Variants in NEDD9 observed in about 807,000 individuals in gnomAD.
NEDD9 encodes neural precursor cell expressed, developmentally down-regulated 9.
A neutral mutation model predicts 76.6 loss-of-function variants in NEDD9; 26 were observed. The ratio of observed to expected loss-of-function variants is 0.34; its 90% CI spans 0.25 to 0.47. The LOEUF (loss-of-function observed/expected upper bound fraction) is 0.47, where lower values mean the gene tolerates loss of function less well. NEDD9 is among the 20% of genes least tolerant of loss of function. NEDD9 has a pLI of 1.00. For synonymous variants in NEDD9, 392 were observed against 414.2 expected (o/e 0.95, Z 0.65); for missense variants, 937 against 1,058.5 (o/e 0.89, Z 1.59).
At chr6:11,308,780 G>GT (rs1263786071) in intron 2 of NEDD9, among the ~76,000 whole-genome samples, 2 of 152,082 alleles carry the variant, frequency 1.3e-5, no homozygotes, top group East Asian at 3.8e-4. Flanking sequence ...ACAAAAAATT[G>GT]TTTTTTGTCA....
intron 2 of NEDD9, among the ~76,000 whole-genome samples, chr6:11,322,805 C>A (rs1283272350): frequency 6.6e-6 from 1 of 152,140 alleles, no homozygotes; most frequent in Non-Finnish European, 1.5e-5. Context: ...GGGGCGAGGC[C>A]TGGGGACCTG....
At chr6:11,233,172 C>G (rs932718133), upstream of NEDD9, 22 of 507,188 alleles carry the variant, frequency 4.3e-5, no homozygotes, top group Admixed American at 8.1e-5. Flanking sequence ...TTTTTCTTTC[C>G]CCCTCCTCCC....
intron 1 of NEDD9, among the ~76,000 whole-genome samples, chr6:11,361,682 G>T (rs1217395396): frequency 6.6e-6 from 1 of 152,120 alleles, no homozygotes; most frequent in African/African-American, 2.4e-5. Context: ...AGATGGTTAG[G>T]AAATGCTTAT....
intron 2 of NEDD9, among the ~76,000 whole-genome samples, chr6:11,320,045 T>C (rs1761751746): frequency 6.6e-6 from 1 of 152,216 alleles, no homozygotes; most frequent in Non-Finnish European, 1.5e-5. Context: ...GGCTGTCCTG[T>C]GGTCTCCCAG....
At chr6:11,245,607 G>A (rs564898934) in intron 3 of NEDD9, among the ~76,000 whole-genome samples, 5 of 149,336 alleles carry the variant, frequency 3.3e-5, no homozygotes, top group East Asian at 4.0e-4. Context: ...AGCAGCCAAC[G>A]CGGCTGCAGG....
intron 2 of NEDD9, among the ~76,000 whole-genome samples, chr6:11,307,312 C>A (rs76921560): frequency 1.1e-4 from 16 of 152,236 alleles, no homozygotes; most frequent in African/African-American, 2.9e-4. Context: ...GTTTGATAAA[C>A]GCAGTATTTA....
In NEDD9 at chr6:11,323,269, A is replaced by C. The variant is rs1008474565; in HGVS notation, c.-153+11232T>G. On this transcript the variant is annotated intron_variant, in intron 2 of 3. Coordinates refer to the NEDD9 transcript ENST00000397378. Reference sequence around the variant, plus strand: ...GGAGACTTGCCCACTGAGTGACTTTACTATACCCCCAGGCCTTACTAACTT... The same window carrying C: ...GGAGACTTGCCCACTGAGTGACTTTCCTATACCCCCAGGCCTTACTAACTT... 2.6e-5 allele frequency among the ~76,000 whole-genome samples: 4 copies of C among 152,254 alleles called. No individual in the cohort carries two copies. In the South Asian group the frequency reaches 8.3e-4, roughly 31 times the overall value.
chr6:11,283,063 T>C (rs1760569633), intron 3 of NEDD9, among the ~76,000 whole-genome samples: 1 of 152,224 alleles, frequency 6.6e-6, no homozygotes, highest in Admixed American at 6.5e-5. Context: ...CTTATGACCT[T>C]GGCATTTGCC....
At chr6:11,354,403 G>A (rs776391046) in intron 1 of NEDD9, among the ~76,000 whole-genome samples, 9 of 152,308 alleles carry the variant, frequency 5.9e-5, no homozygotes, top group Non-Finnish European at 1.3e-4. Context: ...TGGGGCTGCT[G>A]CTAGCTTCAG....
intron 3 of NEDD9, among the ~76,000 whole-genome samples, chr6:11,253,528 T>C (rs1393704506): frequency 6.6e-6 from 1 of 152,224 alleles, no homozygotes; most frequent in Non-Finnish European, 1.5e-5. Context: ...CGCATGGGAA[T>C]GAAAACCTGA....
intron 3 of NEDD9, among the ~76,000 whole-genome samples, chr6:11,296,670 C>CT (rs1230900014): frequency 8.6e-5 from 9 of 104,114 alleles, no homozygotes; most frequent in South Asian, 3.6e-4. Context: ...CTTTCCTTTC[C>CT]TTTCCTTTCC....
chr6:11,270,712 C>T (rs1450270000), intron 3 of NEDD9, among the ~76,000 whole-genome samples: 1 of 152,210 alleles, frequency 6.6e-6, no homozygotes, highest in Non-Finnish European at 1.5e-5. Context: ...CTTAACACAG[C>T]ACTTAGAAGG....
chr6:11,355,929 G>A (rs1762563918), intron 1 of NEDD9, among the ~76,000 whole-genome samples: 1 of 152,046 alleles, frequency 6.6e-6, no homozygotes, highest in South Asian at 2.1e-4. Context: ...CACCGTGTTA[G>A]CCAGGATGGT....
chr6:11,298,814 A>G (rs1358501572), intron 3 of NEDD9, among the ~76,000 whole-genome samples: 2 of 152,204 alleles, frequency 1.3e-5, no homozygotes, highest in African/African-American at 4.8e-5. Context: ...AGTACTAGCG[A>G]GGATTGTTAA....
chr6:11,295,139 T>TATTATTATTATTA lies in NEDD9; in HGVS notation c.12+10852_12+10853insTAATAATAATAAT, dbSNP rs777734883. 1.2e-3 allele frequency among the ~76,000 whole-genome samples: 185 copies of TATTATTATTATTA among 152,346 alleles called. 1 individual carries two copies. Among genetic ancestry groups the TATTATTATTATTA allele is most frequent in the Non-Finnish European group, 2.0e-3 (133 of 68,036 alleles). On this transcript the variant is annotated intron_variant, in intron 3 of 3. Transcript: ENST00000397378. Reference sequence around the variant, plus strand: ...TAAATTACCCAGTCTTGGGTAGGTCTTTATTAGCAGTGTGAGAACAGACTA... The same window carrying TATTATTATTATTA: ...TAAATTACCCAGTCTTGGGTAGGTCTATTATTATTATTATTATTAGCAGTGTGAGAACAGACTA...
In NEDD9 at chr6:11,193,670, C is replaced by T; in HGVS notation, c.482G>A (p.Gly161Asp). The T allele has an allele frequency of 6.2e-7, 1 of 1,613,848 alleles. No individual in the cohort carries two copies. The highest frequency in any genetic ancestry group is 1.7e-4 in the Middle Eastern group (1 of 6,048). Residue 161 changes from glycine (G) to aspartate (D), a missense_variant, in exon 3 of 7, where the codon GGC becomes GAC. Physicochemically the swap from Gly to Asp is moderately conservative, Grantham distance 94. Coordinates refer to ENST00000379446, the MANE Select transcript of NEDD9 (RefSeq NM_006403.4). Reference sequence around the variant, plus strand: ...TGGGTACTCGTATACGTAGCCATGGCCTGTCCTCACGGGGGTTATCACCTG... The same window carrying T: ...TGGGTACTCGTATACGTAGCCATGGTCTGTCCTCACGGGGGTTATCACCTG... ...GKKVITPVRT[G>D]HGYVYEYPSR...
intron 3 of NEDD9, among the ~76,000 whole-genome samples, chr6:11,240,710 C>A (rs116613867): frequency 2.0e-5 from 3 of 152,092 alleles, no homozygotes; most frequent in African/African-American, 4.8e-5. Flanking sequence ...TAAATTCACT[C>A]GACTCTAGTG....
At chr6:11,200,532 T>C (rs1758417274) in intron 2 of NEDD9, 3 of 1,093,374 alleles carry the variant, frequency 2.7e-6, no homozygotes, top group African/African-American at 1.7e-5. Context: ...GTGATAAGAA[T>C]GTTATGTATG....
intron 2 of NEDD9, among the ~76,000 whole-genome samples, chr6:11,307,693 A>G (rs191978810): frequency 6.6e-6 from 1 of 152,338 alleles, no homozygotes; most frequent in African/African-American, 2.4e-5. Flanking sequence ...TATAACACAC[A>G]TATAGAAAAC....
Sources: allele counts gnomAD v4.1 joint callset (sites outside exome capture counted in the v4.1 genomes callset), GRCh38; gene constraint gnomAD v4.1.1; transcripts MANE v1.5; gene names NCBI Gene and HGNC (gene_info 2026-07-23, HGNC 2026-07-21).